OBSL1: variants seen among roughly 807,000 people sequenced by gnomAD.
The protein encoded by OBSL1 is obscurin-like protein 1.
OBSL1 carries 160 observed loss-of-function variants against 172.0 expected under a neutral mutation model. That is an observed-to-expected ratio of 0.93 (90% CI 0.82 to 1.06). OBSL1 has a LOEUF of 1.06. Ranked by LOEUF, OBSL1 falls within the 50% of genes least tolerant of loss-of-function variation. The pLI is 0.00. For missense variants in OBSL1, 2,681 were observed against 2,715.4 expected, an observed-to-expected ratio of 0.99 and a Z score of 0.28; for synonymous variants, 1,200 against 1,196.3, an observed-to-expected ratio of 1.00 and a Z score of -0.06.
chr2:219,551,875 T>C lies in OBSL1; in HGVS notation c.5414-77A>G. 4 of 959,192 alleles carry C rather than the reference T, an allele frequency of 4.2e-6. No individual in the cohort carries two copies. In the Admixed American group the frequency reaches 6.3e-5, roughly 15 times the overall value. 59.4% of individuals were successfully genotyped at this position (959,192 alleles called of 1,614,324 possible). ...GGAGGAGAGATGCATCTTCCCTCCCTGAAGTCTCCACTCCTGGCCTTAGCC... is the reference window on the plus strand; with the variant it reads ...GGAGGAGAGATGCATCTTCCCTCCCCGAAGTCTCCACTCCTGGCCTTAGCC... On this transcript the variant is annotated intron_variant, in intron 19 of 20. Coordinates refer to ENST00000404537, the MANE Select transcript of OBSL1 (RefSeq NM_015311.3).
chr2:219,568,991 C>T lies in OBSL1; in HGVS notation c.1013-667G>A, dbSNP rs533557013. ...CTCGAACTCCTGACCTCAAATGATC[C>T]GCCCACCTTAGTCTCCCAAAGTGCT... On this transcript the variant is annotated intron_variant, in intron 1 of 20. Coordinates refer to ENST00000404537, the MANE Select transcript of OBSL1 (RefSeq NM_015311.3). The surrounding 1 kb of genome is among the most constrained non-coding windows in gnomAD (Gnocchi z 4.1). Among the ~76,000 whole-genome samples, 9 of 151,536 alleles carry T rather than the reference C, an allele frequency of 5.9e-5. No individual in the cohort carries two copies. Among genetic ancestry groups the T allele is most frequent in the Non-Finnish European group, 1.2e-4 (8 of 67,902 alleles).
At chr2:219,556,808 TC>T in intron 12 of OBSL1, 85 bp from the exon 13 acceptor site, 1 of 1,404,134 alleles carries the variant, frequency 7.1e-7, no homozygotes, top group Non-Finnish European at 9.6e-7. Context: ...CAGGCCCTCG[TC>T]CCCAGTCATT....
chr2:219,570,655 G>T lies in OBSL1; in HGVS notation c.578C>A (p.Ala193Glu). 6.6e-7 allele frequency: 1 copy of T among 1,507,792 alleles called. No homozygotes were observed. 93.4% of individuals were successfully genotyped at this position (1,507,792 alleles called of 1,614,324 possible). A position where few individuals can be genotyped will look rare whatever the true frequency, so the allele number is the denominator to read the frequency against. Reference protein sequence around the residue: ...RAEDGPGASLALRILAARLPD... With the variant: ...RAEDGPGASLELRILAARLPD... ...CAGCCGAGCCGCCAGGATGCGCAGT[G>T]CCAGGCTCGCGCCGGGGCCGTCCTC... Residue 193 changes from alanine to glutamate, a missense_variant, in exon 1 of 21, where the codon GCA becomes GAA. Ala to Glu is a moderately radical substitution (Grantham distance 107, BLOSUM62 -1). Around this residue, in one of 5 missense-constraint regions of OBSL1, gnomAD observed 706 missense variants for 695.8 expected, o/e 1.01. Coordinates refer to ENST00000404537, the MANE Select transcript of OBSL1 (RefSeq NM_015311.3).
chr2:219,561,497 C>T (rs1696463622), intron 8 of OBSL1, among the ~76,000 whole-genome samples: 1 of 152,172 alleles, frequency 6.6e-6, no homozygotes, highest in African/African-American at 2.4e-5. Flanking sequence ...CTCCCAGCCC[C>T]AGGGTCCCTA....
Position 219,553,605 on chromosome 2 carries a change from G to T in OBSL1, c.4958C>A (p.Ser1653Tyr), listed in dbSNP as rs1695790350. Residue 1653 changes from serine (S) to tyrosine (Y), a missense_variant, in exon 16 of 21, where the codon TCC becomes TAC. Ser to Tyr is a moderately radical substitution (Grantham distance 144). Coordinates refer to ENST00000404537, the MANE Select transcript of OBSL1 (RefSeq NM_015311.3). ...CCAGGTAACATCAGCCAAAGCTTGG[G>T]AAAGCTCGCACTCGAACGTAGCTGT... is the stretch of plus-strand genomic sequence containing the variant. ...GDTATFECEL[S>Y]QALADVTWEK... 1 of 1,613,910 alleles carries T rather than the reference G, an allele frequency of 6.2e-7. No individual in the cohort carries two copies.
Position 219,558,390 on chromosome 2 carries a change from A to C in OBSL1, c.3296T>G (p.Val1099Gly). The change falls in exon 10 of 21, where the codon GTG (valine) becomes GGG (glycine). Residue 1099 changes from valine to glycine, a missense_variant. Val to Gly is a moderately radical substitution (Grantham distance 109). Coordinates refer to ENST00000404537, the MANE Select transcript of OBSL1 (RefSeq NM_015311.3). Reference protein sequence around the residue: ...LDLHFGAPGRVELRCEVAPAG... With the variant: ...LDLHFGAPGRGELRCEVAPAG... ...TGGGGCCACCTCACAGCGCAGCTCCACGCGCCCTGGAGCCCCAAAATGCAG... is the reference window on the plus strand; with the variant it reads ...TGGGGCCACCTCACAGCGCAGCTCCCCGCGCCCTGGAGCCCCAAAATGCAG... 1 of 1,608,134 alleles carries C rather than the reference A, an allele frequency of 6.2e-7. No individual in the cohort carries two copies. Among genetic ancestry groups the C allele is most frequent in the Non-Finnish European group, 8.5e-7 (1 of 1,178,110 alleles).
chr2:219,568,749 C>T lies in OBSL1; in HGVS notation c.1013-425G>A, dbSNP rs190547058. Among the ~76,000 whole-genome samples the T allele has an allele frequency of 2.0e-4, 31 of 152,042 alleles. No individual in the cohort carries two copies. In the East Asian group the frequency reaches 4.1e-3, roughly 20 times the overall value. On this transcript the variant is annotated intron_variant, in intron 1 of 20. Transcript: ENST00000404537. The surrounding 1 kb of genome is among the most constrained non-coding windows in gnomAD (Gnocchi z 4.1). ...CTGAGTAGAATTTAAAATATTTTAACTCTTTTTTTTTTTGAGATGGAGTCT... is the reference window on the plus strand; with the variant it reads ...CTGAGTAGAATTTAAAATATTTTAATTCTTTTTTTTTTTGAGATGGAGTCT...
Position 219,567,436 on chromosome 2 carries a change from C to T in OBSL1, c.1674G>A (p.Val558=), listed in dbSNP as rs781194904. 15 of 1,612,884 alleles carry T rather than the reference C, an allele frequency of 9.3e-6. No homozygotes were observed. In the Admixed American group the frequency reaches 1.3e-4, roughly 14 times the overall value. ...AGCACTGAATCCAGTCTTCAGAGCC[C>T]ACTTCCTGCCGCTCCAGCCGGTAGA... ...PFIYRLERQE[V]GSEDWIQCFS... The change falls in exon 4 of 21, where the codon GTG becomes GTA. Residue 558 remains valine, a synonymous_variant. Transcript: ENST00000404537.
rs1206826318 is a variant in OBSL1 at position 219,558,387 on chromosome 2, T to C, written c.3299A>G (p.Glu1100Gly). 6.2e-7 allele frequency: 1 copy of C among 1,608,972 alleles called. No individual in the cohort carries two copies. The highest frequency in any genetic ancestry group is 1.1e-5 in the South Asian group (1 of 90,188). The change falls in exon 10 of 21, where the codon GAG (glutamate) becomes GGG (glycine). Residue 1100 changes from glutamate to glycine, a missense_variant. By Grantham distance (98) the Glu-to-Gly change is moderately conservative. Coordinates refer to ENST00000404537, the MANE Select transcript of OBSL1 (RefSeq NM_015311.3). Reference protein sequence around the residue: ...DLHFGAPGRVELRCEVAPAGS... With the variant: ...DLHFGAPGRVGLRCEVAPAGS... Reference sequence around the variant, plus strand: ...AGCTGGGGCCACCTCACAGCGCAGCTCCACGCGCCCTGGAGCCCCAAAATG... The same window carrying C: ...AGCTGGGGCCACCTCACAGCGCAGCCCCACGCGCCCTGGAGCCCCAAAATG...
In OBSL1 at chr2:219,552,543, T is replaced by TCGGATG. The variant is rs1333108728; in HGVS notation, c.5295_5300dup (p.Ile1766_Arg1767dup). 1 of 1,596,246 alleles carries TCGGATG rather than the reference T, an allele frequency of 6.3e-7. No individual in the cohort carries two copies. The highest frequency in any genetic ancestry group is 1.1e-5 in the South Asian group (1 of 90,346). On this transcript the variant is annotated inframe_insertion, in exon 18 of 21. Coordinates refer to ENST00000404537, the MANE Select transcript of OBSL1 (RefSeq NM_015311.3). Reference sequence around the variant, plus strand: ...GTAACCAGGCGGGCAGACCTTCCTGTCGGATGCGGACGCGGGCTCCGGGTC... The same window carrying TCGGATG: ...GTAACCAGGCGGGCAGACCTTCCTGTCGGATGCGGATGCGGACGCGGGCTCCGGGTC...
intron 20 of OBSL1, 199 bp downstream of exon 20, chr2:219,551,330 C>T: frequency 5.0e-6 from 7 of 1,412,590 alleles, no homozygotes; most frequent in South Asian, 1.6e-5. Context: ...TGACCAGGAG[C>T]AGCTGATCTG....
intron 5 of OBSL1, among the ~76,000 whole-genome samples, chr2:219,565,830 C>T (rs950505161): frequency 6.6e-6 from 1 of 152,238 alleles, no homozygotes; most frequent in South Asian, 2.1e-4. Context: ...CAGGTCTCAC[C>T]TGGCCCCTCT....
In OBSL1 at chr2:219,570,556, A is replaced by T; in HGVS notation, c.677T>A (p.Val226Glu). ...GHAQAGALLQ[V>E]HQPPESPPAD... ...GGGCGGGCTCTCGGGGGGCTGGTGC[A>T]CCTGGAGCAGCGCCCCCGCCTGCGC... The change falls in exon 1 of 21, where the codon GTG (valine) becomes GAG (glutamate). Residue 226 changes from valine to glutamate, a missense_variant. Transcript: ENST00000404537. 3 of 1,578,078 alleles carry T rather than the reference A, an allele frequency of 1.9e-6. No homozygotes were observed. Among genetic ancestry groups the T allele is most frequent in the Non-Finnish European group, 2.6e-6 (3 of 1,164,660 alleles).
downstream of OBSL1, chr2:219,549,323 T>C (rs1358727324): frequency 3.1e-6 from 5 of 1,613,582 alleles, no homozygotes; most frequent in Non-Finnish European, 4.2e-6. Flanking sequence ...CCAGTGCCCA[T>C]CAAACGCTTC....
In OBSL1 at chr2:219,563,398, G is replaced by A. The variant is rs191852351; in HGVS notation, c.2637C>T (p.Cys879=). 4.1e-5 allele frequency: 66 copies of A among 1,606,236 alleles called. No homozygotes were observed. The Admixed American group carries it at 5.6e-4, about 14-fold the overall frequency. Residue 879 remains cysteine, a synonymous_variant, in exon 7 of 21, where the codon TGC becomes TGT. Transcript: ENST00000404537. ...TQPSDGGEFQ[C]VAGDECAYFT... ...AGTAGGCACACTCATCTCCAGCGAC[G>A]CACTGAAACTCGCCCCCGTCTGAGG... is the stretch of plus-strand genomic sequence containing the variant.
chr2:219,551,749 C>T lies in OBSL1; in HGVS notation c.5463G>A (p.Leu1821=). ...CCTCCAGCACCGCCCGGCGGCCCAC[C>T]AGAACGGTCTTCTCGCGAGGGGGGT... ...CRHPPREKTV[L]VGRRAVLEVT... Residue 1821 remains leucine, a synonymous_variant, in exon 20 of 21, where the codon CTG becomes CTA. Transcript: ENST00000404537. The T allele has an allele frequency of 6.3e-7, 1 of 1,599,440 alleles. No homozygotes were observed.
chr2:219,560,980 T>C (rs927711685), intron 8 of OBSL1, among the ~76,000 whole-genome samples: 2 of 151,554 alleles, frequency 1.3e-5, no homozygotes, highest in Non-Finnish European at 2.9e-5. Context: ...GTGAAGAGAC[T>C]GGTGTTTGTG....
rs751731843 is a variant in OBSL1 at position 219,558,318 on chromosome 2, G to A, written c.3368C>T (p.Ala1123Val). ...RWYKDGLEVE[A>V]SDALQLGAEG... ...GGCACCCAGCTGCAGGGCATCTGAT[G>A]CCTCCACTTCCAGCCCGTCCTTGTA... Residue 1123 changes from alanine to valine, a missense_variant, in exon 10 of 21, where the codon GCA (alanine) becomes GTA (valine). By Grantham distance (64) the Ala-to-Val change is moderately conservative (BLOSUM62 0). This residue lies in a region of OBSL1 where 1,765 missense variants were observed against 1,748.3 expected (regional missense o/e 1.01). Coordinates refer to ENST00000404537, the MANE Select transcript of OBSL1 (RefSeq NM_015311.3). 4 of 1,612,680 alleles carry A rather than the reference G, an allele frequency of 2.5e-6. No homozygotes were observed. In the South Asian group the frequency reaches 3.3e-5, roughly 13 times the overall value.
chr2:219,571,076 C>T lies in OBSL1; in HGVS notation c.157G>A (p.Ala53Thr). 2 of 1,467,176 alleles carry T rather than the reference C, an allele frequency of 1.4e-6. No individual in the cohort carries two copies. The highest frequency in any genetic ancestry group is 1.8e-6 in the Non-Finnish European group (2 of 1,112,602). The allele number at this position is 1,467,176 out of a possible 1,614,324, so 90.9% of individuals were successfully genotyped here. The change falls in exon 1 of 21, where the codon GCG (alanine) becomes ACG (threonine). Residue 53 changes from alanine (A) to threonine (T), a missense_variant. Physicochemically the swap from Ala to Thr is moderately conservative, Grantham distance 58 (BLOSUM62 0). This residue lies in a region of OBSL1 where 90 missense variants were observed against 76.6 expected (regional missense o/e 1.18). Coordinates refer to ENST00000404537, the MANE Select transcript of OBSL1 (RefSeq NM_015311.3). ...GGGAAGCTCAGGCGTTCCGAGGCCGCCAGCTGCTGCCCGCCCTTCTCCCAC... is the reference window on the plus strand; with the variant it reads ...GGGAAGCTCAGGCGTTCCGAGGCCGTCAGCTGCTGCCCGCCCTTCTCCCAC... Reference protein sequence around the residue: ...VVWEKGGQQLAASERLSFPAD... With the variant: ...VVWEKGGQQLTASERLSFPAD...
Sources: gnomAD v4.1 joint callset for allele counts (sites outside exome capture counted in the v4.1 genomes callset) on GRCh38, gnomAD v4.1.1 for gene constraint, gnomAD v4.1.1 regional missense constraint, Gnocchi (gnomAD v3.1) non-coding constraint, MANE v1.5 for transcripts, NCBI Gene and HGNC (gene_info 2026-07-23, HGNC 2026-07-21) for gene names.